Variants in COL4A5 observed in about 807,000 individuals in gnomAD.
COL4A5 encodes collagen type IV alpha 5 chain.
Under a neutral mutation model 130.2 loss-of-function variants are expected in COL4A5, and 26 were observed. The ratio of observed to expected loss-of-function variants is 0.20; its 90% confidence interval spans 0.15 to 0.28. The LOEUF (loss-of-function observed/expected upper bound fraction) is 0.28, where lower values mean the gene tolerates loss of function less well. COL4A5 is among the 10% of genes least tolerant of loss of function. The pLI is 1.00. For synonymous variants in COL4A5, 496 were observed against 439.6 expected, an observed-to-expected ratio of 1.13 and a Z score of -1.60; for missense variants, 1,131 against 1,344.3, an observed-to-expected ratio of 0.84 and a Z score of 2.48.
At chrX:108,509,817 A>AG (rs762571905) in intron 1 of COL4A5, among the ~76,000 whole-genome samples, 24 of 112,203 alleles carry the variant, frequency 2.1e-4, no homozygotes, top group African/African-American at 6.8e-4. Context: ...ATATACCCAG[A>AG]GGAATATAAA....
intron 1 of COL4A5, among the ~76,000 whole-genome samples, chrX:108,447,942 C>A (rs1012370133): frequency 9.0e-6 from 1 of 111,361 alleles, no homozygotes; most frequent in African/African-American, 3.3e-5. Flanking sequence ...TAGAGAAACA[C>A]CTTCAGTGTG....
intron 10 of COL4A5, 120 bp downstream of exon 10, chrX:108,576,092 T>G (rs2066145391): frequency 3.9e-6 from 2 of 508,877 alleles, no homozygotes; most frequent in African/African-American, 4.7e-5. Context: ...AATTTATAAT[T>G]TTCTTATGTA....
intron 36 of COL4A5, among the ~76,000 whole-genome samples, chrX:108,631,088 T>C (rs974563118): frequency 1.9e-4 from 21 of 111,873 alleles, no homozygotes; most frequent in African/African-American, 6.8e-4. Context: ...TCAGGTAGCA[T>C]GATGCCTCCA....
chrX:108,471,716 G>A (rs1009485541), intron 1 of COL4A5, among the ~76,000 whole-genome samples: 10 of 111,863 alleles, frequency 8.9e-5, no homozygotes, highest in Non-Finnish European at 1.7e-4. Flanking sequence ...TCTTGCTCTG[G>A]TTCTTAAGTA....
At chrX:108,574,122 A>G (rs947415073) in intron 9 of COL4A5, among the ~76,000 whole-genome samples, 2 of 111,718 alleles carry the variant, frequency 1.8e-5, no homozygotes, top group Admixed American at 9.5e-5. Context: ...ATTTTAGCCT[A>G]CAGAAAACAT....
intron 10 of COL4A5, among the ~76,000 whole-genome samples, chrX:108,577,389 AAAAG>A (rs1250049580): frequency 5.6e-5 from 6 of 106,518 alleles, no homozygotes; most frequent in African/African-American, 1.7e-4. Context: ...AAAAAAAAAA[AAAAG>A]AAAGAAAGAA....
intron 1 of COL4A5, among the ~76,000 whole-genome samples, chrX:108,469,062 C>T (rs1250472975): frequency 3.7e-5 from 4 of 107,975 alleles, no homozygotes; most frequent in African/African-American, 1.3e-4. Context: ...TCTATTTTTT[C>T]TTGAGTTAGT....
chrX:108,549,207 T>C (rs1258456479), intron 2 of COL4A5, among the ~76,000 whole-genome samples: 1 of 111,930 alleles, frequency 8.9e-6, no homozygotes, highest in East Asian at 2.8e-4. Context: ...ACAATCATGG[T>C]TGTGATTCTA....
At chrX:108,483,314 A>C (rs1488579965) in intron 1 of COL4A5, among the ~76,000 whole-genome samples, 1 of 110,654 alleles carries the variant, frequency 9.0e-6, no homozygotes, top group East Asian at 2.8e-4. Flanking sequence ...TGCTGTCTGC[A>C]ACCTGAGGAG....
intron 37 of COL4A5, among the ~76,000 whole-genome samples, chrX:108,660,356 G>T (rs747296595): frequency 1.8e-5 from 2 of 111,374 alleles, no homozygotes; most frequent in South Asian, 7.4e-4. Context: ...CTGTGCAGCA[G>T]ACTTCTAGTT....
At chrX:108,557,284 A>G (rs2065836349) in intron 2 of COL4A5, among the ~76,000 whole-genome samples, 1 of 111,712 alleles carries the variant, frequency 9.0e-6, no homozygotes, top group African/African-American at 3.3e-5. Context: ...GAGGGAATCT[A>G]GCTCTAAAAA....
At chrX:108,515,096 A>T (rs1201644922) in intron 1 of COL4A5, among the ~76,000 whole-genome samples, 1 of 111,806 alleles carries the variant, frequency 8.9e-6, no homozygotes, top group Admixed American at 9.5e-5. Flanking sequence ...CTACAATTTT[A>T]TATATACACT....
intron 43 of COL4A5, among the ~76,000 whole-genome samples, chrX:108,675,020 T>G (rs746261621): frequency 1.8e-5 from 2 of 111,156 alleles, no homozygotes; most frequent in African/African-American, 6.5e-5. Flanking sequence ...AATACACTTA[T>G]TTTTACCTTC....
At chrX:108,568,926 C>T in intron 6 of COL4A5, 105 bp downstream of exon 6, 1 of 668,429 alleles carries the variant, frequency 1.5e-6, no homozygotes, top group East Asian at 3.3e-5. Context: ...ATAGTGTCTT[C>T]AGGTCTTGGC....
At position 108,695,354 on chromosome X, in the gene COL4A5, G is replaced by A; in HGVS notation, c.4909G>A (p.Glu1637Lys). ...AGAGTTTCGTTCAGCTCCCTTCATC[G>A]AATGTCATGGGAGGGGTACCTGTAA... ...LEEFRSAPFI[E>K]CHGRGTCNYY... is the part of the protein sequence containing the mutation. Residue 1637 changes from glutamate to lysine, a missense_variant, in exon 52 of 53, where the codon GAA becomes AAA. Coordinates refer to ENST00000328300, the MANE Select transcript of COL4A5 (RefSeq NM_033380.3). 3 of 1,210,983 alleles carry A rather than the reference G, an allele frequency of 2.5e-6. No individual in the cohort carries two copies. Among genetic ancestry groups the A allele is most frequent in the Non-Finnish European group, 3.4e-6 (3 of 895,119 alleles).
intron 1 of COL4A5, among the ~76,000 whole-genome samples, chrX:108,518,722 TG>T (rs1410684247): frequency 1.8e-5 from 2 of 111,745 alleles, no homozygotes; most frequent in African/African-American, 6.5e-5. Context: ...ATGAATTACA[TG>T]TTGTAGTCAT....
intron 1 of COL4A5, among the ~76,000 whole-genome samples, chrX:108,448,742 A>G (rs73539493): frequency 0.1 from 11,681 of 111,798 alleles, 1,304 homozygotes; most frequent in African/African-American, 0.34. Flanking sequence ...AAACAATAAA[A>G]ACAATTTTTA....
chrX:108,452,308 G>A (rs1458255012), intron 1 of COL4A5, among the ~76,000 whole-genome samples: 1 of 111,808 alleles, frequency 8.9e-6, no homozygotes, highest in Non-Finnish European at 1.9e-5. Context: ...GGCGATGCTG[G>A]CTCTTTTTTG....
At chrX:108,508,557 C>A (rs867141114) in intron 1 of COL4A5, among the ~76,000 whole-genome samples, 10 of 38,171 alleles carry the variant, frequency 2.6e-4, no homozygotes, top group South Asian at 1.8e-3. Context: ...CATGTAGGAC[C>A]AAAAAAAAAA....
Sources: gnomAD v4.1 joint callset for allele counts (sites outside exome capture counted in the v4.1 genomes callset) on GRCh38, gnomAD v4.1.1 for gene constraint, MANE v1.5 for transcripts, NCBI Gene and HGNC (gene_info 2026-07-23, HGNC 2026-07-21) for gene names.